MARCHF1: variants seen among roughly 807,000 people sequenced by gnomAD.
MARCHF1 encodes the protein membrane associated ring-CH-type finger 1, also known as E3 ubiquitin-protein ligase MARCHF1.
In MARCHF1, 40 loss-of-function variants were observed where a neutral mutation model predicts 54.2. The ratio of observed to expected loss-of-function variants is 0.74; its 90% CI spans 0.57 to 0.96. The LOEUF (loss-of-function observed/expected upper bound fraction) is 0.96, where lower values mean the gene tolerates loss of function less well. Ranked by LOEUF, MARCHF1 falls within the 40% of genes least tolerant of loss-of-function variation. The pLI is 0.00. For synonymous variants in MARCHF1, 236 were observed against 236.3 expected (o/e 1.00, Z 0.01); for missense variants, 586 against 656.5 (o/e 0.89, Z 1.17).
intron 1 of MARCHF1, among the ~76,000 whole-genome samples, chr4:164,317,646 T>C (rs1735034221): frequency 6.6e-6 from 1 of 152,148 alleles, no homozygotes; most frequent in African/African-American, 2.4e-5. Flanking sequence ...CTACATTGGC[T>C]GAACAGCACT....
At chr4:164,199,882 C>G (rs1244419043) in intron 1 of MARCHF1, among the ~76,000 whole-genome samples, 1 of 152,122 alleles carries the variant, frequency 6.6e-6, no homozygotes, top group Admixed American at 6.5e-5. Context: ...TGTCTTCAGT[C>G]TTTGCTCCCA....
chr4:163,873,547 A>T (rs1286147309), intron 3 of MARCHF1, among the ~76,000 whole-genome samples: 3 of 152,190 alleles, frequency 2.0e-5, no homozygotes, highest in Admixed American at 2.0e-4. Context: ...CCGCTCAGAC[A>T]GCCCTGTGTT....
chr4:163,606,956 A>C (rs1741164534), intron 7 of MARCHF1, among the ~76,000 whole-genome samples: 1 of 152,014 alleles, frequency 6.6e-6, no homozygotes, highest in Admixed American at 6.6e-5. Context: ...TGAAAAGAAC[A>C]TTTCTCTTTT....
At chr4:163,788,043 A>G (rs1470969246) in intron 4 of MARCHF1, among the ~76,000 whole-genome samples, 3 of 151,926 alleles carry the variant, frequency 2.0e-5, no homozygotes, top group Non-Finnish European at 4.4e-5. Context: ...AGAAAAGTAG[A>G]AAGTGATTGT....
chr4:164,212,934 A>G (rs1361500229), intron 1 of MARCHF1, among the ~76,000 whole-genome samples: 1 of 152,214 alleles, frequency 6.6e-6, no homozygotes, highest in Non-Finnish European at 1.5e-5. Flanking sequence ...CAGGGCCTCC[A>G]GGGCATGAAA....
intron 4 of MARCHF1, among the ~76,000 whole-genome samples, chr4:163,833,244 C>T (rs571840890): frequency 1.3e-5 from 2 of 152,280 alleles, no homozygotes; most frequent in Non-Finnish European, 2.9e-5. Context: ...ACATCCTCTC[C>T]AGCACCTGTT....
At chr4:163,624,604 TG>T (rs1741806886) in intron 5 of MARCHF1, among the ~76,000 whole-genome samples, 1 of 152,200 alleles carries the variant, frequency 6.6e-6, no homozygotes, top group South Asian at 2.1e-4. Context: ...TAGGGAGAGA[TG>T]AGGTCCTCAG....
At chr4:163,999,423 A>G (rs1049841367) in intron 2 of MARCHF1, among the ~76,000 whole-genome samples, 2 of 151,630 alleles carry the variant, frequency 1.3e-5, no homozygotes, top group African/African-American at 2.4e-5. Context: ...AAAAATAACA[A>G]TTGAGTATAT....
rs567928250 is a variant in MARCHF1 at position 164,012,129 on chromosome 4, A to C, written c.-247-23420T>G. 2.6e-5 allele frequency among the ~76,000 whole-genome samples: 4 copies of C among 152,312 alleles called. No homozygotes were observed. In the East Asian group the frequency reaches 7.7e-4, roughly 29 times the overall value. The stretch of plus-strand genomic sequence containing the variant: ...TTGGCCTGGGTCCCAGAATAAATTT[A>C]AGTGGCAGTCAGGACACAAGGATCA... On this transcript the variant is annotated intron_variant, in intron 2 of 9. Transcript: ENST00000514618.
intron 2 of MARCHF1, among the ~76,000 whole-genome samples, chr4:164,057,240 C>T (rs1449421475): frequency 6.6e-6 from 1 of 152,108 alleles, no homozygotes; most frequent in African/African-American, 2.4e-5. Context: ...ACTGCAGTAC[C>T]TTGAATGAAG....
intron 5 of MARCHF1, among the ~76,000 whole-genome samples, chr4:163,630,137 A>C (rs1354078948): frequency 6.6e-6 from 1 of 152,248 alleles, no homozygotes; most frequent in African/African-American, 2.4e-5. Flanking sequence ...TTCATACATG[A>C]ATGTTTATAG....
Position 163,612,506 on chromosome 4 carries a change from T to A in MARCHF1, c.775A>T (p.Arg259Trp), listed in dbSNP as rs940074473. The change falls in exon 7 of 10, where the codon AGG (arginine) becomes TGG (tryptophan). Residue 259 changes from arginine to tryptophan, a missense_variant. Transcript: ENST00000514618. ...QGSSEIKRSS[R>W]NHEKSKGRYH... ...CTGCCTTTGCTCTTCTCATGATTCC[T>A]TGAGGATCTCTTAATTTCAGAGGAC... 10 of 1,535,188 alleles carry A rather than the reference T, an allele frequency of 6.5e-6. No homozygotes were observed. The highest frequency in any genetic ancestry group is 8.7e-6 in the Non-Finnish European group (10 of 1,146,506).
chr4:164,214,871 G>T (rs1028570958), intron 1 of MARCHF1, among the ~76,000 whole-genome samples: 1 of 152,112 alleles, frequency 6.6e-6, no homozygotes, highest in Non-Finnish European at 1.5e-5. Flanking sequence ...AACGGGAAAA[G>T]TTCCCTTGTC....
At chr4:164,107,474 C>G (rs1265699289) in intron 2 of MARCHF1, among the ~76,000 whole-genome samples, 4 of 152,158 alleles carry the variant, frequency 2.6e-5, no homozygotes, top group East Asian at 3.9e-4. Flanking sequence ...AGTCCTCTCC[C>G]CACTCAGCAT....
intron 1 of MARCHF1, among the ~76,000 whole-genome samples, chr4:164,137,520 G>A (rs922303801): frequency 3.3e-5 from 5 of 152,004 alleles, no homozygotes; most frequent in Admixed American, 2.6e-4. Flanking sequence ...CGATATTAGC[G>A]GAAAATGCGT....
At chr4:163,806,065 C>T (rs2110991758) in intron 4 of MARCHF1, among the ~76,000 whole-genome samples, 1 of 152,280 alleles carries the variant, frequency 6.6e-6, no homozygotes, top group Middle Eastern at 3.4e-3. Flanking sequence ...ATGCACTAAA[C>T]TTATCAAGGA....
In MARCHF1 at chr4:164,111,621, C is replaced by G. The variant is rs563420980; in HGVS notation, c.-281G>C. ...GCAGTCTTGTTTAATCACAGCAGGA[C>G]AGTTGAGTATATTCTCTCAGAGTTC... On this transcript the variant is annotated 5_prime_UTR_variant, in exon 2 of 10. Transcript: ENST00000514618. The G allele has an allele frequency of 6.6e-5, 10 of 151,730 alleles. No individual in the cohort carries two copies. Among genetic ancestry groups the G allele is most frequent in the African/African-American group, 2.2e-4 (9 of 41,510 alleles). The allele number at this position is 151,730 out of a possible 1,614,324, so 9.4% of individuals were successfully genotyped here. A position where few individuals can be genotyped will look rare whatever the true frequency, so the allele number is the denominator to read the frequency against.
At chr4:164,223,431 ATTTG>A (rs1732167506) in intron 1 of MARCHF1, among the ~76,000 whole-genome samples, 1 of 152,010 alleles carries the variant, frequency 6.6e-6, no homozygotes, top group Non-Finnish European at 1.5e-5. Context: ...TCAACAAGGA[ATTTG>A]AAAGTTTGAA....
chr4:163,853,048 AC>A (rs1230464161), intron 4 of MARCHF1, among the ~76,000 whole-genome samples: 1 of 152,152 alleles, frequency 6.6e-6, no homozygotes, highest in African/African-American at 2.4e-5. Context: ...AACAGCCAGC[AC>A]CTTAATCTTG....
Sources: gnomAD v4.1 joint callset for allele counts (sites outside exome capture counted in the v4.1 genomes callset) on GRCh38, gnomAD v4.1.1 for gene constraint, MANE v1.5 for transcripts, NCBI Gene and HGNC (gene_info 2026-07-23, HGNC 2026-07-21) for gene names.